Variants in NRXN1 observed in about 807,000 individuals in gnomAD.
NRXN1 encodes the protein neurexin-1.
Under a neutral mutation model 150.9 loss-of-function variants are expected in NRXN1, and 39 were observed. The observed-to-expected ratio is 0.26, with a 90% CI of 0.20 to 0.34. The LOEUF is 0.34. NRXN1 is among the 10% of genes least tolerant of loss of function. The probability of loss-of-function intolerance (pLI) is 1.00; values close to 1 mark genes in which losing one functional copy is unlikely to be tolerated. For missense variants in NRXN1, 1,815 were observed against 1,949.9 expected (o/e 0.93, Z 1.30); for synonymous variants, 924 against 757.0 (o/e 1.22, Z -3.62).
intron 22 of NRXN1, among the ~76,000 whole-genome samples, chr2:49,942,785 T>C (rs989938313): frequency 4.6e-5 from 7 of 152,092 alleles, no homozygotes; most frequent in African/African-American, 4.8e-5. Flanking sequence ...GATTTTTCTA[T>C]TTTTGGCAGG....
At chr2:50,923,031 C>G (rs1686305297) in intron 3 of NRXN1, among the ~76,000 whole-genome samples, 1 of 151,792 alleles carries the variant, frequency 6.6e-6, no homozygotes, top group Admixed American at 6.6e-5. Context: ...TTGCATATTG[C>G]CCCCACAGGG....
Position 50,935,376 on chromosome 2 carries a change from T to A in NRXN1, c.773-9421A>T, listed in dbSNP as rs1038892184. Among the ~76,000 whole-genome samples the A allele has an allele frequency of 2.6e-5, 4 of 152,252 alleles. No individual in the cohort carries two copies. In the South Asian group the frequency reaches 8.3e-4, roughly 32 times the overall value. ...AAAGTCCAAGATCCTATTAAGGAAC[T>A]ACTACATAGAAATAAATGAACCAAT... is the stretch of plus-strand genomic sequence containing the variant. On this transcript the variant is annotated intron_variant, in intron 2 of 22. Transcript: ENST00000401669.
chr2:50,960,197 G>A (rs528213845), intron 2 of NRXN1, among the ~76,000 whole-genome samples: 1 of 151,910 alleles, frequency 6.6e-6, no homozygotes, highest in Admixed American at 6.6e-5. Flanking sequence ...AGGTTAGCGA[G>A]AAAGAGAACA....
intron 8 of NRXN1, among the ~76,000 whole-genome samples, chr2:50,602,865 G>A (rs186670958): frequency 3.3e-5 from 5 of 152,280 alleles, no homozygotes; most frequent in African/African-American, 1.2e-4. Flanking sequence ...TACAGGGATG[G>A]CTTCTCACTC....
chr2:50,504,938 T>G (rs147156072), intron 13 of NRXN1, among the ~76,000 whole-genome samples: 1 of 152,320 alleles, frequency 6.6e-6, no homozygotes, highest in East Asian at 1.9e-4. Flanking sequence ...CTTTAAAGCC[T>G]AGATCAAACA....
intron 17 of NRXN1, among the ~76,000 whole-genome samples, chr2:50,249,098 A>C (rs937058047): frequency 2.6e-5 from 4 of 151,280 alleles, no homozygotes; most frequent in African/African-American, 9.7e-5. Context: ...TTAAGGCTGC[A>C]GTGAGTTGTG....
intron 22 of NRXN1, among the ~76,000 whole-genome samples, chr2:49,926,706 AAAC>A (rs773929699): frequency 9.2e-5 from 14 of 152,356 alleles, no homozygotes; most frequent in South Asian, 2.1e-4. Flanking sequence ...TAGTTATTTT[AAAC>A]AACAACAGGA....
intron 21 of NRXN1, among the ~76,000 whole-genome samples, chr2:50,033,206 A>C (rs1689443832): frequency 6.6e-6 from 1 of 152,030 alleles, no homozygotes; most frequent in African/African-American, 2.4e-5. Context: ...TGGAGGCATC[A>C]TGCTACCTGA....
intron 17 of NRXN1, among the ~76,000 whole-genome samples, chr2:50,336,204 A>T (rs2152989020): frequency 6.6e-6 from 1 of 152,332 alleles, no homozygotes; most frequent in South Asian, 2.1e-4. Context: ...ATAAACAACA[A>T]CAATTCTGGT....
intron 5 of NRXN1, among the ~76,000 whole-genome samples, chr2:50,669,894 C>T (rs1389936765): frequency 2.6e-5 from 4 of 151,132 alleles, no homozygotes; most frequent in South Asian, 2.1e-4. Flanking sequence ...CGGAATTAAT[C>T]AGACCTCAAA....
intron 21 of NRXN1, among the ~76,000 whole-genome samples, chr2:49,980,788 G>A (rs1679866090): frequency 6.6e-6 from 1 of 152,070 alleles, no homozygotes. Flanking sequence ...GTATATGCTA[G>A]AAAATAATTT....
chr2:50,128,983 C>T (rs1046471411), intron 18 of NRXN1, among the ~76,000 whole-genome samples: 5 of 146,904 alleles, frequency 3.4e-5, no homozygotes, highest in Middle Eastern at 3.5e-3. Context: ...GACTCCATCT[C>T]AATAAATAAA....
chr2:50,628,322 G>A (rs971192865), intron 5 of NRXN1, among the ~76,000 whole-genome samples: 16 of 151,420 alleles, frequency 1.1e-4, no homozygotes, highest in Non-Finnish European at 2.4e-4. Context: ...CTTTTGTATT[G>A]TTTAATTCCA....
chr2:50,847,409 T>G (rs982650084), intron 5 of NRXN1, among the ~76,000 whole-genome samples: 8 of 152,110 alleles, frequency 5.3e-5, no homozygotes, highest in Admixed American at 4.6e-4. Flanking sequence ...TAGGTCTGAC[T>G]GCAGGGGAAA....
chr2:50,646,762 T>C (rs1347377494), intron 5 of NRXN1, among the ~76,000 whole-genome samples: 1 of 145,590 alleles, frequency 6.9e-6, no homozygotes, highest in African/African-American at 2.5e-5. Context: ...CACATATTTC[T>C]AGAATCAGCT....
chr2:50,586,361 A>G (rs1673096251), intron 8 of NRXN1, among the ~76,000 whole-genome samples: 1 of 152,130 alleles, frequency 6.6e-6, no homozygotes, highest in Admixed American at 6.6e-5. Flanking sequence ...TTTCCACAGT[A>G]ATAACAGCCA....
chr2:50,784,766 G>A (rs1432093488), intron 5 of NRXN1, among the ~76,000 whole-genome samples: 1 of 152,028 alleles, frequency 6.6e-6, no homozygotes, highest in Admixed American at 6.6e-5. Context: ...TAATGAAAGA[G>A]ACAGTTTCCA....
At chr2:50,422,634 C>T (rs1354756165) in intron 17 of NRXN1, among the ~76,000 whole-genome samples, 2 of 152,116 alleles carry the variant, frequency 1.3e-5, no homozygotes, top group Admixed American at 1.3e-4. Context: ...ACAGACATAG[C>T]AGAATATTTC....
chr2:50,135,729 A>G (rs1327964733), intron 18 of NRXN1, among the ~76,000 whole-genome samples: 3 of 151,310 alleles, frequency 2.0e-5, no homozygotes, highest in Non-Finnish European at 4.4e-5. Context: ...AACAAAACAA[A>G]AAAAGAAGCT....
Sources: gnomAD v4.1 joint callset for allele counts (sites outside exome capture counted in the v4.1 genomes callset) on GRCh38, gnomAD v4.1.1 for gene constraint, MANE v1.5 for transcripts, NCBI Gene and HGNC (gene_info 2026-07-23, HGNC 2026-07-21) for gene names.